Variants in ECT2L observed in about 807,000 individuals in gnomAD.
ECT2L encodes the protein epithelial cell transforming 2 like.
In ECT2L, 126 loss-of-function variants were observed where a neutral mutation model predicts 122.8. That is an observed-to-expected ratio of 1.03 (90% CI 0.89 to 1.19). The LOEUF is 1.19. ECT2L is among the 50% of genes most tolerant of loss of function. ECT2L has a pLI of 0.00. For synonymous variants in ECT2L, 385 were observed against 381.8 expected, an observed-to-expected ratio of 1.01 and a Z score of -0.10; for missense variants, 1,012 against 1,064.1, an observed-to-expected ratio of 0.95 and a Z score of 0.68.
intron 5 of ECT2L, among the ~76,000 whole-genome samples, chr6:138,840,155 C>T (rs1303849952): frequency 6.6e-6 from 1 of 151,874 alleles, no homozygotes; most frequent in South Asian, 2.1e-4. Context: ...GGAAATGGAT[C>T]ATTGTAAAGA....
At position 138,872,786 on chromosome 6, in the gene ECT2L, C is replaced by A. The variant is rs111989380; in HGVS notation, c.1579-3686C>A. Among the ~76,000 whole-genome samples, 443 of 152,314 alleles carry A rather than the reference C, an allele frequency of 2.9e-3. 2 individuals carry two copies. The highest frequency in any genetic ancestry group is 4.5e-3 in the Non-Finnish European group (304 of 68,028). On this transcript the variant is annotated intron_variant, in intron 13 of 21. Coordinates refer to ENST00000541398, the MANE Select transcript of ECT2L (RefSeq NM_001077706.3). ...GACTCCCTGGAATCCTTATTGGATT[C>A]TTTCACCCACCTTTATTCCTAAGGG...
intron 3 of ECT2L, 141 bp from the exon 4 acceptor site, chr6:138,814,350 A>G: frequency 2.2e-6 from 1 of 449,258 alleles, no homozygotes. Flanking sequence ...CTTTCTCTCT[A>G]TATGTGAAAG....
chr6:138,902,630 C>A lies in ECT2L; in HGVS notation c.*3C>A. 1 of 1,613,262 alleles carries A rather than the reference C, an allele frequency of 6.2e-7. No individual in the cohort carries two copies. Among genetic ancestry groups the A allele is most frequent in the South Asian group, 1.1e-5 (1 of 90,902 alleles). On this transcript the variant is annotated 3_prime_UTR_variant, in exon 22 of 22. Transcript: ENST00000541398. ...TCAAAAGCAGTATGGAGAAGTGAGA[C>A]CGAACTTGAAAACTTCAGGGGTGCC...
At chr6:138,840,801 C>G (rs1381208190) in intron 5 of ECT2L, among the ~76,000 whole-genome samples, 2 of 151,838 alleles carry the variant, frequency 1.3e-5, no homozygotes, top group Non-Finnish European at 2.9e-5. Context: ...GACTTAATAT[C>G]TTTTATCAGT....
rs143451778 is a variant in ECT2L at position 138,847,320 on chromosome 6, T to C, written c.903+643T>C. Among the ~76,000 whole-genome samples the C allele has an allele frequency of 3.3e-3, 453 of 138,718 alleles. 2 individuals carry two copies. The highest frequency in any genetic ancestry group is 0.011 in the African/African-American group (432 of 38,120). The allele number at this position is 138,718 out of a possible 152,430, so 91.0% of individuals were successfully genotyped here. On this transcript the variant is annotated intron_variant, in intron 8 of 21. Coordinates refer to ENST00000541398, the MANE Select transcript of ECT2L (RefSeq NM_001077706.3). ...CAGAAGCAATAAAGGTAATCATAAA[T>C]CAAAATTATTTTGAAAAAGCATTAA...
At chr6:138,830,459 A>C (rs1776610060) in intron 4 of ECT2L, among the ~76,000 whole-genome samples, 1 of 152,182 alleles carries the variant, frequency 6.6e-6, no homozygotes, top group South Asian at 2.1e-4. Flanking sequence ...GTCAAAAACG[A>C]ATGGATATAG....
intron 18 of ECT2L, among the ~76,000 whole-genome samples, chr6:138,886,086 T>C (rs1244118892): frequency 6.6e-6 from 1 of 151,846 alleles, no homozygotes; most frequent in Non-Finnish European, 1.5e-5. Flanking sequence ...GTTTGAAGAA[T>C]GAAGTATTTG....
chr6:138,896,428 T>A (rs542444941), intron 20 of ECT2L, among the ~76,000 whole-genome samples: 1 of 152,314 alleles, frequency 6.6e-6, no homozygotes, highest in Admixed American at 6.5e-5. Flanking sequence ...CCTCTTAGCT[T>A]TCCCCAAAGG....
At chr6:138,808,731 T>C (rs1016397680) in intron 1 of ECT2L, among the ~76,000 whole-genome samples, 1 of 144,090 alleles carries the variant, frequency 6.9e-6, no homozygotes, top group Non-Finnish European at 1.5e-5. Context: ...TCTCTTTTCT[T>C]TTTTTTTTTT....
chr6:138,868,024 C>G (rs1009152214), intron 12 of ECT2L, 79 bp from the exon 13 acceptor site: 1 of 400,902 alleles, frequency 2.5e-6, no homozygotes. Flanking sequence ...AAAAAAGAAA[C>G]TGTGAGGACT....
intron 14 of ECT2L, among the ~76,000 whole-genome samples, chr6:138,877,699 C>T (rs1176363213): frequency 2.6e-5 from 4 of 152,012 alleles, no homozygotes; most frequent in African/African-American, 9.7e-5. Context: ...TTTCGGAGGC[C>T]AAGGCAGGTG....
chr6:138,846,567 C>G lies in ECT2L; in HGVS notation c.793C>G (p.Pro265Ala). 1 of 1,603,292 alleles carries G rather than the reference C, an allele frequency of 6.2e-7. No individual in the cohort carries two copies. The highest frequency in any genetic ancestry group is 8.5e-7 in the Non-Finnish European group (1 of 1,176,962). The change falls in exon 8 of 22, where the codon CCT becomes GCT. Residue 265 changes from proline to alanine, a missense_variant. By Grantham distance (27) the Pro-to-Ala change is conservative. Transcript: ENST00000541398. ...CAATATTTCTGGAAGCCATTCCTAC[C>G]CTTTATTATCAAAGAAAAATTGGCA... The part of the protein sequence containing the change: ...RSNISGSHSY[P>A]LLSKKNWHGV...
intron 10 of ECT2L, among the ~76,000 whole-genome samples, chr6:138,857,923 C>T (rs1777674323): frequency 6.6e-6 from 1 of 152,114 alleles, no homozygotes; most frequent in Non-Finnish European, 1.5e-5. Context: ...GAAGCAAACA[C>T]ATCCTTCTCC....
Position 138,849,271 on chromosome 6 carries a change from G to C in ECT2L, c.906G>C (p.Met302Ile). 1 of 1,604,610 alleles carries C rather than the reference G, an allele frequency of 6.2e-7. No individual in the cohort carries two copies. Among genetic ancestry groups the C allele is most frequent in the Non-Finnish European group, 8.5e-7 (1 of 1,176,188 alleles). The change falls in exon 9 of 22, where the codon ATG (methionine) becomes ATC (isoleucine). Residue 302 changes from methionine (M) to isoleucine (I), a missense_variant and splice_region_variant. By Grantham distance (10) the Met-to-Ile change is conservative. Coordinates refer to ENST00000541398, the MANE Select transcript of ECT2L (RefSeq NM_001077706.3). ...ACAGCTTTGGTTTCATTCTCCAGAT[G>C]GTGATGGAGAGTGTGAAGGCTGGTG... is the stretch of plus-strand genomic sequence containing the variant. ...LISSRIPAYE[M>I]VMESVKAGVV...
intron 7 of ECT2L, 111 bp downstream of exon 7, chr6:138,844,691 T>C: frequency 1.0e-6 from 1 of 956,748 alleles, no homozygotes. Flanking sequence ...GTGGCTCATA[T>C]CCTATGAAAT....
chr6:138,819,286 C>T lies in ECT2L; in HGVS notation c.179+4683C>T, dbSNP rs142164626. Among the ~76,000 whole-genome samples, 201 of 150,100 alleles carry T rather than the reference C, an allele frequency of 1.3e-3. 1 individual carries two copies. Among genetic ancestry groups the T allele is most frequent in the African/African-American group, 4.8e-3 (195 of 40,768 alleles). On this transcript the variant is annotated intron_variant, in intron 4 of 21. Transcript: ENST00000541398. ...TGCGTTTTAAAAGGAAGGGAGAAAG[C>T]AGAAAGCCAAAGCTCTTTTTTTTTG... is the stretch of plus-strand genomic sequence containing the variant.
Position 138,900,908 on chromosome 6 carries a change from T to C in ECT2L, c.2415-40T>C, listed in dbSNP as rs780064415. On this transcript the variant is annotated intron_variant, in intron 20 of 21. Coordinates refer to ENST00000541398, the MANE Select transcript of ECT2L (RefSeq NM_001077706.3). ...GCTTAACTATGTAACAAAGCATGTA[T>C]GTTATGTATTAAAACTGTACCTTCT... 1.9e-6 allele frequency: 3 copies of C among 1,585,116 alleles called. No individual in the cohort carries two copies. The Admixed American group carries it at 5.4e-5, about 28-fold the overall frequency.
chr6:138,804,491 A>G (rs1447710174), intron 1 of ECT2L, among the ~76,000 whole-genome samples: 4 of 152,154 alleles, frequency 2.6e-5, no homozygotes, highest in African/African-American at 7.2e-5. Context: ...CTTGGTATCT[A>G]GAAACACAGC....
At chr6:138,843,651 G>GCTCTTTTTAAAGC (rs1562469527) in intron 6 of ECT2L, among the ~76,000 whole-genome samples, 1 of 152,032 alleles carries the variant, frequency 6.6e-6, no homozygotes, top group East Asian at 1.9e-4. Context: ...AGCTCTTTCC[G>GCTCTTTTTAAAGC]CTCTTTTTAA....
Sources: gnomAD v4.1 joint callset for allele counts (sites outside exome capture counted in the v4.1 genomes callset) on GRCh38, gnomAD v4.1.1 for gene constraint, MANE v1.5 for transcripts, NCBI Gene and HGNC (gene_info 2026-07-23, HGNC 2026-07-21) for gene names.